Variants in FKBP9 observed in about 807,000 individuals in gnomAD.
FKBP9 encodes the protein FKBP prolyl isomerase 9, also known as peptidyl-prolyl cis-trans isomerase FKBP9.
Under a neutral mutation model 55.6 loss-of-function variants are expected in FKBP9, and 27 were observed. The ratio of observed to expected loss-of-function variants is 0.49; its 90% CI spans 0.36 to 0.67. The LOEUF is 0.67. FKBP9 is among the 30% of genes least tolerant of loss of function. The pLI is 0.00. For missense variants in FKBP9, 539 were observed against 742.8 expected (o/e 0.73, Z 3.19); for synonymous variants, 267 against 296.5 (o/e 0.90, Z 1.02).
intron 1 of FKBP9, among the ~76,000 whole-genome samples, chr7:32,963,868 T>C (rs1415317172): frequency 2.6e-5 from 4 of 152,232 alleles, no homozygotes; most frequent in Non-Finnish European, 1.5e-5. Flanking sequence ...GGAAATAATC[T>C]GATGGGTCCT....
chr7:32,992,318 T>TGCAGAGGAAACCCACCCCCC (rs1562572931), intron 6 of FKBP9, among the ~76,000 whole-genome samples: 1 of 119,400 alleles, frequency 8.4e-6, no homozygotes, highest in African/African-American at 3.7e-5. Flanking sequence ...ACTGACTCTC[T>TGCAGAGGAAACCCACCCCCC]GCAGAGGAAA....
rs571542125 is a variant in FKBP9, at chr7:33,005,648, A to T, written c.*297A>T. On this transcript the variant is annotated 3_prime_UTR_variant, in exon 10 of 10. Transcript: ENST00000242209. ...TGTGAGCCTTCTGGGAAATTTTGTT[A>T]TTAAAGGAATATATAGTGTCAGACG... is the stretch of plus-strand genomic sequence containing the variant. 200 of 340,886 alleles carry T rather than the reference A, an allele frequency of 5.9e-4. No homozygotes were observed. Among genetic ancestry groups the T allele is most frequent in the African/African-American group, 3.5e-3 (171 of 48,764 alleles). The allele number at this position is 340,886 out of a possible 1,614,324, so 21.1% of individuals were successfully genotyped here. A position where few individuals can be genotyped will look rare whatever the true frequency, so the allele number is the denominator to read the frequency against.
chr7:33,000,587 G>A (rs1323855725), intron 8 of FKBP9, among the ~76,000 whole-genome samples: 6 of 151,290 alleles, frequency 4.0e-5, no homozygotes, highest in African/African-American at 1.5e-4. Context: ...ACGTCCTTCT[G>A]GAACTGTTTC....
At chr7:32,960,523 C>T (rs1385976043) in intron 1 of FKBP9, among the ~76,000 whole-genome samples, 1 of 152,184 alleles carries the variant, frequency 6.6e-6, no homozygotes, top group Non-Finnish European at 1.5e-5. Context: ...GCGTATTGAC[C>T]ATTTGTGTAT....
At chr7:32,983,703 AT>A (rs1481637363) in intron 5 of FKBP9, among the ~76,000 whole-genome samples, 3 of 152,230 alleles carry the variant, frequency 2.0e-5, no homozygotes, top group African/African-American at 7.2e-5. Flanking sequence ...AGAGTATCCC[AT>A]TCCCTACAAA....
At chr7:32,980,026 C>T (rs1784444456) in intron 4 of FKBP9, among the ~76,000 whole-genome samples, 1 of 152,174 alleles carries the variant, frequency 6.6e-6, no homozygotes, top group Non-Finnish European at 1.5e-5. Flanking sequence ...CATTTATTCA[C>T]AAACAGAAAC....
intron 1 of FKBP9, among the ~76,000 whole-genome samples, chr7:32,965,872 C>CT (rs1554284366): frequency 1.4e-5 from 1 of 73,410 alleles, no homozygotes; most frequent in Non-Finnish European, 2.3e-5. Flanking sequence ...TATATACATA[C>CT]ATATATATAT....
chr7:32,999,214 C>T (rs1192636040), intron 7 of FKBP9, among the ~76,000 whole-genome samples: 1 of 151,988 alleles, frequency 6.6e-6, no homozygotes, highest in East Asian at 1.9e-4. Flanking sequence ...CAGGGGAGGT[C>T]GGGAAGCCTG....
At chr7:32,959,642 C>A (rs1028501838) in intron 1 of FKBP9, among the ~76,000 whole-genome samples, 1 of 152,200 alleles carries the variant, frequency 6.6e-6, no homozygotes, top group African/African-American at 2.4e-5. Context: ...CAGTCCCTTT[C>A]AGCCACGAAT....
chr7:32,968,472 T>A (rs1303860612), intron 1 of FKBP9, among the ~76,000 whole-genome samples: 2 of 152,150 alleles, frequency 1.3e-5, no homozygotes, highest in African/African-American at 4.8e-5. Context: ...GATTCCAATT[T>A]CTCCATATCC....
In FKBP9 at chr7:33,005,535, T is replaced by C. The variant is rs1258009926; in HGVS notation, c.*184T>C. The C allele has an allele frequency of 6.3e-6, 4 of 630,550 alleles. No individual in the cohort carries two copies. Among genetic ancestry groups the C allele is most frequent in the Non-Finnish European group, 1.1e-5 (4 of 361,988 alleles). The allele number at this position is 630,550 out of a possible 1,614,324, so 39.1% of individuals were successfully genotyped here. ...ATATGGGGTGAGAAGTTTGGGCTGA[T>C]CGCCAGTGATAGTAAACAAAATCTG... On this transcript the variant is annotated 3_prime_UTR_variant, in exon 10 of 10. Transcript: ENST00000242209.
intron 4 of FKBP9, among the ~76,000 whole-genome samples, chr7:32,977,870 C>CATGTATATATATATATATATATATATAT (rs780985630): frequency 1.0e-4 from 13 of 124,642 alleles, no homozygotes; most frequent in African/African-American, 2.5e-4. Context: ...TATACATGCC[C>CATGTATATATATATATATATATATATAT]ATATATATAT....
At chr7:33,002,251 A>T (rs1353716301) in intron 8 of FKBP9, among the ~76,000 whole-genome samples, 1 of 151,826 alleles carries the variant, frequency 6.6e-6, no homozygotes, top group African/African-American at 2.4e-5. Flanking sequence ...CTCATGCCTC[A>T]GCTTCCCGAG....
At chr7:32,969,191 T>G (rs1046971494) in intron 1 of FKBP9, among the ~76,000 whole-genome samples, 8 of 152,072 alleles carry the variant, frequency 5.3e-5, no homozygotes, top group Non-Finnish European at 8.8e-5. Flanking sequence ...ATTTTTTAGG[T>G]TGCCTTTTTA....
intron 6 of FKBP9, among the ~76,000 whole-genome samples, chr7:32,995,651 T>C (rs571014325): frequency 1.3e-5 from 2 of 152,324 alleles, no homozygotes; most frequent in South Asian, 4.1e-4. Flanking sequence ...GTTAGGTGTA[T>C]GATCATAAGG....
chr7:32,996,560 T>C (rs575860408), intron 7 of FKBP9, among the ~76,000 whole-genome samples: 2 of 152,152 alleles, frequency 1.3e-5, no homozygotes, highest in Non-Finnish European at 2.9e-5. Flanking sequence ...TTTCACCCCA[T>C]GAAATTGTCT....
intron 7 of FKBP9, chr7:32,998,737 G>A (rs1267579866): frequency 2.6e-5 from 4 of 152,554 alleles, no homozygotes; most frequent in African/African-American, 9.7e-5. Flanking sequence ...GAGAGGAGTG[G>A]GAGTGAGCCG....
At chr7:32,965,877 A>G (rs1257760816) in intron 1 of FKBP9, among the ~76,000 whole-genome samples, 1 of 99,450 alleles carries the variant, frequency 1.0e-5, no homozygotes, top group African/African-American at 4.7e-5. Flanking sequence ...ACATACATAT[A>G]TATATATAGA....
intron 5 of FKBP9, among the ~76,000 whole-genome samples, chr7:32,985,198 C>T (rs1245827039): frequency 3.5e-5 from 5 of 144,424 alleles, no homozygotes; most frequent in South Asian, 2.2e-4. Flanking sequence ...TTTTTTGAGA[C>T]GGAGCCTCGC....
Sources: allele counts gnomAD v4.1 joint callset (sites outside exome capture counted in the v4.1 genomes callset), GRCh38; gene constraint gnomAD v4.1.1; transcripts MANE v1.5; gene names NCBI Gene and HGNC (gene_info 2026-07-23, HGNC 2026-07-21).